TNXB: variants seen among roughly 807,000 people sequenced by gnomAD.
The protein encoded by TNXB is tenascin XB, also known as tenascin-X.
Under a neutral mutation model 340.5 loss-of-function variants are expected in TNXB, and 183 were observed. That is an observed-to-expected ratio of 0.54 (90% CI 0.48 to 0.61). TNXB has a LOEUF of 0.61. TNXB is among the 20% of genes least tolerant of loss of function. The pLI is 0.00. For synonymous variants in TNXB, 2,121 were observed against 2,314.5 expected (o/e 0.92, Z 2.40); for missense variants, 4,613 against 5,446.4 (o/e 0.85, Z 4.82).
chr6:32,106,138 G>C (rs1234018349), intron 1 of TNXB, among the ~76,000 whole-genome samples: 2 of 151,600 alleles, frequency 1.3e-5, no homozygotes, highest in Admixed American at 6.6e-5. Context: ...GCATGGGGGG[G>C]GGGGCTTCTG....
chr6:32,092,090 A>G (rs1150753), intron 4 of TNXB, among the ~76,000 whole-genome samples: 9,463 of 152,234 alleles, frequency 0.062, 467 homozygotes, highest in Non-Finnish European at 0.11. Context: ...CACTTTGCAA[A>G]ATAGCAACAT....
In TNXB at chr6:32,081,977, G is replaced by A; in HGVS notation, c.3736+59C>T. ...GGACCCCAGCTGGTTTTGGGCTGAA[G>A]GGAAGTGTGCATGGGGCTGAGAAGG... On this transcript the variant is annotated intron_variant, in intron 9 of 43. Transcript: ENST00000644971. This position sits in a 1 kb window ranked among gnomAD's most constrained non-coding sequence, Gnocchi z 5.1. 1 of 1,513,752 alleles carries A rather than the reference G, an allele frequency of 6.6e-7. No individual in the cohort carries two copies. The highest frequency in any genetic ancestry group is 8.9e-7 in the Non-Finnish European group (1 of 1,121,788). The allele number at this position is 1,513,752 out of a possible 1,614,324, so 93.8% of individuals were successfully genotyped here.
rs1435586289 is a variant in TNXB, at chr6:32,081,943, C to A, written c.3736+93G>T. The A allele has an allele frequency of 4.5e-6, 6 of 1,321,630 alleles. No homozygotes were observed. The highest frequency in any genetic ancestry group is 6.2e-6 in the Non-Finnish European group (6 of 967,612). 81.9% of individuals were successfully genotyped at this position (1,321,630 alleles called of 1,614,324 possible). ...GGGCCGGGAAGCTGGAGTCAGCTGTCTTGCTGGGGGACCCCAGCTGGTTTT... is the reference window on the plus strand; with the variant it reads ...GGGCCGGGAAGCTGGAGTCAGCTGTATTGCTGGGGGACCCCAGCTGGTTTT... On this transcript the variant is annotated intron_variant, in intron 9 of 43. Transcript: ENST00000644971. This position sits in a 1 kb window ranked among gnomAD's most constrained non-coding sequence, Gnocchi z 5.1.
intron 3 of TNXB, among the ~76,000 whole-genome samples, 194 bp downstream of exon 3, chr6:32,095,417 T>C (rs757764564): frequency 1.3e-5 from 2 of 151,982 alleles, no homozygotes; most frequent in African/African-American, 2.4e-5. Flanking sequence ...GGCCCCAACC[T>C]GCTCCTCAGA....
intron 11 of TNXB, among the ~76,000 whole-genome samples, chr6:32,078,045 GAA>G (rs1314610369): frequency 7.1e-6 from 1 of 140,696 alleles, no homozygotes; most frequent in African/African-American, 2.7e-5. Context: ...AAAAAAGAAA[GAA>G]AGAGAGAGAG....
Position 32,074,336 on chromosome 6 carries a change from T to C in TNXB, c.4376-384A>G, listed in dbSNP as rs903148891. 1.3e-5 allele frequency among the ~76,000 whole-genome samples: 2 copies of C among 152,180 alleles called. No homozygotes were observed. Among genetic ancestry groups the C allele is most frequent in the Non-Finnish European group, 2.9e-5 (2 of 68,032 alleles). On this transcript the variant is annotated intron_variant, in intron 11 of 43. Transcript: ENST00000644971. This position sits in a 1 kb window ranked among gnomAD's most constrained non-coding sequence, Gnocchi z 5.5. ...ACCACACCCAGCGATGTCTGTTGCATTTGTGGAACCCGCATGATGGTTTTG... is the reference window on the plus strand; with the variant it reads ...ACCACACCCAGCGATGTCTGTTGCACTTGTGGAACCCGCATGATGGTTTTG...
chr6:32,049,871 C>T lies in TNXB; in HGVS notation c.9439+127G>A, dbSNP rs1202003781. On this transcript the variant is annotated intron_variant, in intron 27 of 43. Coordinates refer to ENST00000644971, the MANE Select transcript of TNXB (RefSeq NM_001365276.2). This position sits in a 1 kb window ranked among gnomAD's most constrained non-coding sequence, Gnocchi z 4.5. ...ACATAGGAAGGCCCAAGGGGAGTCC[C>T]AGCCCCAGCCACAAGCAGTTCTGTG... 1.5e-5 allele frequency: 22 copies of T among 1,460,866 alleles called. No individual in the cohort carries two copies. Among genetic ancestry groups the T allele is most frequent in the Non-Finnish European group, 2.1e-5 (22 of 1,073,160 alleles). 90.5% of individuals were successfully genotyped at this position (1,460,866 alleles called of 1,614,324 possible). A position where few individuals can be genotyped will look rare whatever the true frequency, so the allele number is the denominator to read the frequency against.
chr6:32,099,376 G>A (rs1169707844), intron 1 of TNXB, among the ~76,000 whole-genome samples: 1 of 151,978 alleles, frequency 6.6e-6, no homozygotes, highest in African/African-American at 2.4e-5. Flanking sequence ...GGGATTATAG[G>A]TGCCCACCTC....
Position 32,042,970 on chromosome 6 carries a change from G to T in TNXB, c.11906C>A (p.Thr3969Asn). 6.5e-6 allele frequency: 2 copies of T among 308,964 alleles called. No homozygotes were observed. Among genetic ancestry groups the T allele is most frequent in the Non-Finnish European group, 1.1e-5 (2 of 179,896 alleles). The allele number at this position is 308,964 out of a possible 1,614,324, so 19.1% of individuals were successfully genotyped here. ...GGGCACCTGGTTCTGTCCACCAGGGGTGTGGAAGCTGAGCAGGTAGCCTGC... is the reference window on the plus strand; with the variant it reads ...GGGCACCTGGTTCTGTCCACCAGGGTTGTGGAAGCTGAGCAGGTAGCCTGC... ...RPAGYLLSFH[T>N]PGGQNQEILL... Residue 3969 changes from threonine to asparagine, a missense_variant, in exon 38 of 44, where the codon ACC becomes AAC. This residue lies in a region of TNXB where 114 missense variants were observed against 104.5 expected (regional missense o/e 1.09). Transcript: ENST00000644971.
In TNXB at chr6:32,068,098, G is replaced by T. The variant is rs1778504918; in HGVS notation, c.6221-114C>A. 2 of 1,409,106 alleles carry T rather than the reference G, an allele frequency of 1.4e-6. No homozygotes were observed. Among genetic ancestry groups the T allele is most frequent in the African/African-American group, 1.4e-5 (1 of 69,840 alleles). The allele number at this position is 1,409,106 out of a possible 1,614,324, so 87.3% of individuals were successfully genotyped here. ...GGTCAGTTCAGAGAGGCCTACTCTTGGGGCTGGGTGGTCCTGCTCAGCTGA... is the reference window on the plus strand; with the variant it reads ...GGTCAGTTCAGAGAGGCCTACTCTTTGGGCTGGGTGGTCCTGCTCAGCTGA... On this transcript the variant is annotated intron_variant, in intron 17 of 43. Coordinates refer to ENST00000644971, the MANE Select transcript of TNXB (RefSeq NM_001365276.2). The surrounding 1 kb of genome is among the most constrained non-coding windows in gnomAD (Gnocchi z 5.3).
At position 32,096,443 on chromosome 6, in the gene TNXB, A is replaced by G. The variant is rs1297408273; in HGVS notation, c.1410T>C (p.Cys470=). Residue 470 remains cysteine (C), a synonymous_variant, in exon 3 of 44, where the codon TGT becomes TGC. Transcript: ENST00000644971. ...CACTCTCACAGCGGCCCCGGCCACG[A>G]CAGTCCCCAGGACAGCTGCGCACAC... is the stretch of plus-strand genomic sequence containing the variant. ...DCGVRSCPGD[C]RGRGRCESGR... is the part of the protein sequence containing the mutation. The G allele has an allele frequency of 2.5e-6, 4 of 1,591,422 alleles. No homozygotes were observed. The highest frequency in any genetic ancestry group is 1.7e-4 in the Middle Eastern group (1 of 6,018).
At position 32,072,744 on chromosome 6, in the gene TNXB, G is replaced by A. The variant is rs1446743358; in HGVS notation, c.4682-446C>T. 6.6e-6 allele frequency among the ~76,000 whole-genome samples: 1 copy of A among 152,270 alleles called. No individual in the cohort carries two copies. Among genetic ancestry groups the A allele is most frequent in the African/African-American group, 2.4e-5 (1 of 41,470 alleles). On this transcript the variant is annotated intron_variant, in intron 12 of 43. Coordinates refer to ENST00000644971, the MANE Select transcript of TNXB (RefSeq NM_001365276.2). The surrounding 1 kb of genome is among the most constrained non-coding windows in gnomAD (Gnocchi z 4.4). ...GCGGGTGGATCACCTGAGGTCAGGA[G>A]TTTGAGGCCAGCCTGGCCAACATGG...
At position 32,069,075 on chromosome 6, in the gene TNXB, G is replaced by C. The variant is rs750953519; in HGVS notation, c.5649C>G (p.His1883Gln). ...TAPTPPAPEP[H>Q]LGELTVEEAT... Reference sequence around the variant, plus strand: ...CCTCCTCCACTGTCAACTCCCCGAGGTGGGGCTCAGGCGCTGGAGGGGTCG... The same window carrying C: ...CCTCCTCCACTGTCAACTCCCCGAGCTGGGGCTCAGGCGCTGGAGGGGTCG... Residue 1883 changes from histidine to glutamine, a missense_variant, in exon 16 of 44, where the codon CAC (histidine) becomes CAG (glutamine). This residue lies in a region of TNXB where 4,327 missense variants were observed against 4,859.4 expected (regional missense o/e 0.89). Coordinates refer to ENST00000644971, the MANE Select transcript of TNXB (RefSeq NM_001365276.2). The surrounding 1 kb of genome is among the most constrained non-coding windows in gnomAD (Gnocchi z 6.2). 1 of 1,612,742 alleles carries C rather than the reference G, an allele frequency of 6.2e-7. No individual in the cohort carries two copies. Among genetic ancestry groups the C allele is most frequent in the Admixed American group, 1.7e-5 (1 of 60,020 alleles).
rs200718357 is a variant in TNXB, at chr6:32,053,712, C to T, written c.8468-1G>A. 450 of 1,611,026 alleles carry T rather than the reference C, an allele frequency of 2.8e-4. 3 individuals carry two copies. Among genetic ancestry groups the T allele is most frequent in the African/African-American group, 2.3e-4 (17 of 74,848 alleles). Reference sequence around the variant, plus strand: ...GTGGTCTCTGCTTCATCCTCTGGAGCTGGACAGACACGTGTGGGGAGAGTG... The same window carrying T: ...GTGGTCTCTGCTTCATCCTCTGGAGTTGGACAGACACGTGTGGGGAGAGTG... On this transcript the variant is annotated splice_acceptor_variant, in intron 24 of 43. Coordinates refer to ENST00000644971, the MANE Select transcript of TNXB (RefSeq NM_001365276.2). LOFTEE classifies it high-confidence loss of function.
At chr6:32,063,458 T>C (rs1778152967) in intron 19 of TNXB, among the ~76,000 whole-genome samples, 1 of 151,950 alleles carries the variant, frequency 6.6e-6, no homozygotes, top group Non-Finnish European at 1.5e-5. Context: ...AGGCAAGTTG[T>C]ATCAGGAGGT....
intron 35 of TNXB, 40 bp from the exon 36 acceptor site, chr6:32,043,596 C>G: frequency 8.0e-7 from 1 of 1,242,806 alleles, no homozygotes; most frequent in South Asian, 1.2e-5. Context: ...CCCCGCGGCT[C>G]TCTCTACTCC....
In TNXB at chr6:32,062,602, A is replaced by G. The variant is rs1248456088; in HGVS notation, c.6842-119T>C. 7.2e-6 allele frequency: 7 copies of G among 978,040 alleles called. No homozygotes were observed. In the Admixed American group the frequency reaches 2.0e-4, roughly 28 times the overall value. 60.6% of individuals were successfully genotyped at this position (978,040 alleles called of 1,614,324 possible). On this transcript the variant is annotated intron_variant, in intron 19 of 43. Transcript: ENST00000644971. This position sits in a 1 kb window ranked among gnomAD's most constrained non-coding sequence, Gnocchi z 4.3. ...GTCTGGATGCTGGTGCCCCAAGCTTAGAATATCATTTTTCTGCTTTGAATG... is the reference window on the plus strand; with the variant it reads ...GTCTGGATGCTGGTGCCCCAAGCTTGGAATATCATTTTTCTGCTTTGAATG...
rs766098679 is a variant in TNXB at position 32,089,392 on chromosome 6, G to T, written c.2359-13C>A. 3.8e-6 allele frequency: 6 copies of T among 1,599,794 alleles called. No individual in the cohort carries two copies. The African/African-American group carries it at 8.0e-5, about 21-fold the overall frequency. The stretch of plus-strand genomic sequence containing the variant: ...TCGCCCCCTCTGTCTGTGAGAGAGA[G>T]CACCAGGTGGCTCAGGGGCTGGCAC... On this transcript the variant is annotated splice_polypyrimidine_tract_variant and intron_variant, in intron 4 of 43. Coordinates refer to ENST00000644971, the MANE Select transcript of TNXB (RefSeq NM_001365276.2). This position sits in a 1 kb window ranked among gnomAD's most constrained non-coding sequence, Gnocchi z 6.2.
At position 32,056,007 on chromosome 6, in the gene TNXB, T is replaced by C; in HGVS notation, c.8311A>G (p.Lys2771Glu). The change falls in exon 24 of 44, where the codon AAG becomes GAG. Residue 2771 changes from lysine (K) to glutamate (E), a missense_variant. Lys to Glu is a moderately conservative substitution (Grantham distance 56, BLOSUM62 1). This residue lies in a region of TNXB where 4,327 missense variants were observed against 4,859.4 expected (regional missense o/e 0.89). Transcript: ENST00000644971. ...GHFDSFTVQY[K>E]DRDGRPQVMR... ...ACCTGGGGCCGCCCGTCCCTGTCCT[T>C]GTACTGCACGGTGAAGGAGTCGAAG... 1 of 1,613,220 alleles carries C rather than the reference T, an allele frequency of 6.2e-7. No homozygotes were observed. The highest frequency in any genetic ancestry group is 8.5e-7 in the Non-Finnish European group (1 of 1,179,860).
Sources: allele counts gnomAD v4.1 joint callset (sites outside exome capture counted in the v4.1 genomes callset), GRCh38; gene constraint gnomAD v4.1.1; regional missense constraint gnomAD v4.1.1; non-coding constraint Gnocchi (gnomAD v3.1); transcripts MANE v1.5; gene names NCBI Gene and HGNC (gene_info 2026-07-23, HGNC 2026-07-21).